Variants in CLEC16A observed in about 807,000 individuals in gnomAD.
CLEC16A encodes protein CLEC16A.
CLEC16A carries 51 observed loss-of-function variants against 109.5 expected under a neutral mutation model. The observed-to-expected ratio is 0.47, with a 90% CI of 0.37 to 0.59. The LOEUF is 0.59. Ranked by LOEUF, CLEC16A falls within the 20% of genes least tolerant of loss-of-function variation. The probability of loss-of-function intolerance (pLI) is 0.00; values close to 1 mark genes in which losing one functional copy is unlikely to be tolerated. For missense variants in CLEC16A, 1,339 were observed against 1,394.0 expected (o/e 0.96, Z 0.63); for synonymous variants, 673 against 564.2 (o/e 1.19, Z -2.73).
chr16:11,051,574 G>A lies in CLEC16A; in HGVS notation c.1928G>A (p.Gly643Asp). Residue 643 changes from glycine to aspartate, a missense_variant, in exon 18 of 24, where the codon GGC (glycine) becomes GAC (aspartate). Coordinates refer to ENST00000409790, the MANE Select transcript of CLEC16A (RefSeq NM_015226.3). ...MDASILLPPT[G>D]TPLTGIDFVK... ...GCCTCCATCCTGCTGCCCCCAACAG[G>A]CACGCCACTGACGGGCATTGACTTC... is the stretch of plus-strand genomic sequence containing the variant. 6.2e-7 allele frequency: 1 copy of A among 1,614,032 alleles called. No individual in the cohort carries two copies. The highest frequency in any genetic ancestry group is 2.2e-5 in the East Asian group (1 of 44,880).
chr16:10,952,130 C>A (rs1183804285), intron 1 of CLEC16A, among the ~76,000 whole-genome samples: 1 of 152,196 alleles, frequency 6.6e-6, no homozygotes, highest in Non-Finnish European at 1.5e-5. Context: ...CCACGGTTGC[C>A]GTTTCTCTTT....
At chr16:11,152,956 C>G (rs2054353653) in intron 22 of CLEC16A, among the ~76,000 whole-genome samples, 1 of 152,122 alleles carries the variant, frequency 6.6e-6, no homozygotes, top group East Asian at 1.9e-4. Flanking sequence ...GAAAGGATCT[C>G]CAGCGAGGGT....
intron 11 of CLEC16A, among the ~76,000 whole-genome samples, chr16:11,007,728 G>GT (rs1277077084): frequency 6.6e-6 from 1 of 152,160 alleles, no homozygotes; most frequent in Non-Finnish European, 1.5e-5. Flanking sequence ...TGTGGGACCC[G>GT]TTTCTCTGTT....
At chr16:11,053,602 C>G (rs541469129) in intron 18 of CLEC16A, among the ~76,000 whole-genome samples, 1 of 152,218 alleles carries the variant, frequency 6.6e-6, no homozygotes, top group Non-Finnish European at 1.5e-5. Flanking sequence ...AACTCCTGGA[C>G]CCAAGCGATC....
At chr16:10,957,740 C>T (rs201713981) in intron 1 of CLEC16A, 42 bp from the exon 2 acceptor site, 24 of 1,609,486 alleles carry the variant, frequency 1.5e-5, no homozygotes, top group Non-Finnish European at 2.0e-5. Flanking sequence ...GCTTGCATTT[C>T]AGTTGGTAAC....
chr16:11,180,237 A>T lies in CLEC16A; in HGVS notation c.*1547A>T, dbSNP rs201637791. The T allele has an allele frequency of 6.6e-6, 1 of 152,298 alleles. No individual in the cohort carries two copies. Among genetic ancestry groups the T allele is most frequent in the Non-Finnish European group, 1.5e-5 (1 of 68,130 alleles). 9.4% of individuals were successfully genotyped at this position (152,298 alleles called of 1,614,324 possible). On this transcript the variant is annotated 3_prime_UTR_variant, in exon 24 of 24. Coordinates refer to ENST00000409790, the MANE Select transcript of CLEC16A (RefSeq NM_015226.3). ...CAAGGCCTGCCGAGGGCAGTTTTCA[A>T]CCTCATGAAGGAAACACAGTCCTGC...
Position 11,058,200 on chromosome 16 carries a change from G to A in CLEC16A, c.1996-2702G>A, listed in dbSNP as rs187718342. Among the ~76,000 whole-genome samples the A allele has an allele frequency of 2.5e-3, 374 of 152,302 alleles. 1 individual carries two copies. The highest frequency in any genetic ancestry group is 8.7e-3 in the African/African-American group (362 of 41,552). ...CAGATTCATGGACATGGCTTCTCAT[G>A]TGTCCTTCCTTCTCTTAGGAGTTGG... On this transcript the variant is annotated intron_variant, in intron 18 of 23. Transcript: ENST00000409790.
intron 19 of CLEC16A, among the ~76,000 whole-genome samples, chr16:11,113,382 G>A (rs2051733115): frequency 6.6e-6 from 1 of 152,308 alleles, no homozygotes; most frequent in Admixed American, 6.5e-5. Flanking sequence ...AGAGCAGTGT[G>A]TAGAAACTAA....
At chr16:11,015,462 G>A (rs2045689706) in intron 11 of CLEC16A, among the ~76,000 whole-genome samples, 1 of 152,148 alleles carries the variant, frequency 6.6e-6, no homozygotes, top group Non-Finnish European at 1.5e-5. Context: ...TGGTTTTCAA[G>A]CAGTTTTGTG....
chr16:10,944,584 G>A lies in CLEC16A; in HGVS notation c.-134G>A, dbSNP rs938250207. On this transcript the variant is annotated 5_prime_UTR_variant, in exon 1 of 24. Transcript: ENST00000409790. The stretch of plus-strand genomic sequence containing the variant: ...ATGTCAGTGCTGGGCTGTGGGCCGG[G>A]GAGGAAGGCGGCTCGCGGTTCCTCC... 6 of 841,942 alleles carry A rather than the reference G, an allele frequency of 7.1e-6. No homozygotes were observed. Among genetic ancestry groups the A allele is most frequent in the Non-Finnish European group, 1.1e-5 (6 of 541,912 alleles). 52.2% of individuals were successfully genotyped at this position (841,942 alleles called of 1,614,324 possible).
rs904062163 is a variant in CLEC16A at position 11,114,388 on chromosome 16, G to A, written c.2117-6227G>A. Reference sequence around the variant, plus strand: ...ATGGGCAGTGAGATCTGGGGATGGTGGATGGATGACCAGGCAGTCTCATGT... The same window carrying A: ...ATGGGCAGTGAGATCTGGGGATGGTAGATGGATGACCAGGCAGTCTCATGT... On this transcript the variant is annotated intron_variant, in intron 19 of 23. Transcript: ENST00000409790. Among the ~76,000 whole-genome samples, 4 of 152,140 alleles carry A rather than the reference G, an allele frequency of 2.6e-5. No homozygotes were observed. The East Asian group carries it at 7.7e-4, about 29-fold the overall frequency.
intron 19 of CLEC16A, among the ~76,000 whole-genome samples, chr16:11,067,419 G>T (rs75324492): frequency 2.0e-5 from 3 of 152,026 alleles, no homozygotes; most frequent in East Asian, 1.9e-4. Flanking sequence ...GGCTGCAGGG[G>T]GGGTGTGGGT....
At chr16:10,996,245 G>A (rs2044321032) in intron 10 of CLEC16A, among the ~76,000 whole-genome samples, 1 of 152,202 alleles carries the variant, frequency 6.6e-6, no homozygotes, top group Admixed American at 6.5e-5. Context: ...GAACCCCTTT[G>A]TGAGCAGCAC....
chr16:11,136,594 A>G (rs568661222), intron 22 of CLEC16A, among the ~76,000 whole-genome samples: 1 of 152,344 alleles, frequency 6.6e-6, no homozygotes, highest in South Asian at 2.1e-4. Context: ...TCTGCTGTCA[A>G]TTACAAAGAC....
At chr16:11,073,752 C>G (rs1316198836) in intron 19 of CLEC16A, among the ~76,000 whole-genome samples, 1 of 152,230 alleles carries the variant, frequency 6.6e-6, no homozygotes, top group African/African-American at 2.4e-5. Flanking sequence ...CAGATGTGCG[C>G]TTACCGCTCT....
rs554212703 is a variant in CLEC16A, at chr16:11,058,138, G to A, written c.1996-2764G>A. Reference sequence around the variant, plus strand: ...CCCATGGGAGCCCAGGTTTTGCCTCGAGTGGAGCTCCCCGCCCTGTGGGAA... The same window carrying A: ...CCCATGGGAGCCCAGGTTTTGCCTCAAGTGGAGCTCCCCGCCCTGTGGGAA... On this transcript the variant is annotated intron_variant, in intron 18 of 23. Transcript: ENST00000409790. Among the ~76,000 whole-genome samples the A allele has an allele frequency of 3.3e-5, 5 of 152,300 alleles. No homozygotes were observed. In the East Asian group the frequency reaches 7.7e-4, roughly 23 times the overall value.
At chr16:10,958,644 C>T (rs565458971) in intron 2 of CLEC16A, among the ~76,000 whole-genome samples, 12 of 152,334 alleles carry the variant, frequency 7.9e-5, no homozygotes, top group African/African-American at 2.6e-4. Context: ...TGGCTCACAC[C>T]TGTAATCCCA....
chr16:11,083,871 T>C (rs1419404609), intron 19 of CLEC16A, among the ~76,000 whole-genome samples: 1 of 152,216 alleles, frequency 6.6e-6, no homozygotes, highest in Non-Finnish European at 1.5e-5. Flanking sequence ...AGGGGATGGC[T>C]GTGGTCTCCC....
intron 3 of CLEC16A, among the ~76,000 whole-genome samples, chr16:10,962,841 T>C (rs912447673): frequency 2.0e-5 from 3 of 152,154 alleles, no homozygotes; most frequent in Non-Finnish European, 2.9e-5. Context: ...GCAGATCACT[T>C]GAGCTCAGGA....
Sources: allele counts gnomAD v4.1 joint callset (sites outside exome capture counted in the v4.1 genomes callset), GRCh38; gene constraint gnomAD v4.1.1; transcripts MANE v1.5; gene names NCBI Gene and HGNC (gene_info 2026-07-23, HGNC 2026-07-21).